The following NR6A1 variants were observed in gnomAD, a reference collection of about 807,000 sequenced individuals.
NR6A1 encodes the protein retinoic acid receptor-related testis-associated receptor.
A neutral mutation model predicts 59.1 loss-of-function variants in NR6A1; 7 were observed. That is an observed-to-expected ratio of 0.12 (90% CI 0.07 to 0.22). NR6A1 has a LOEUF of 0.22. NR6A1 is among the 10% of genes least tolerant of loss of function. The pLI, the probability that NR6A1 is intolerant of heterozygous loss-of-function variation, is 1.00. For synonymous variants in NR6A1, 243 were observed against 236.1 expected, an observed-to-expected ratio of 1.03 and a Z score of -0.27; for missense variants, 468 against 611.6, an observed-to-expected ratio of 0.77 and a Z score of 2.48.
At chr9:124,603,987 C>G (rs1835513485) in intron 2 of NR6A1, among the ~76,000 whole-genome samples, 1 of 152,204 alleles carries the variant, frequency 6.6e-6, no homozygotes, top group Admixed American at 6.5e-5. Context: ...TCCCTTTCCA[C>G]TCTACTAAAA....
chr9:124,699,280 A>G (rs763478775), intron 2 of NR6A1, among the ~76,000 whole-genome samples: 2 of 152,212 alleles, frequency 1.3e-5, no homozygotes, highest in Non-Finnish European at 2.9e-5. Flanking sequence ...AACCAGCAGT[A>G]TATGTGTGCA....
intron 8 of NR6A1, among the ~76,000 whole-genome samples, chr9:124,525,724 C>T (rs1214724600): frequency 6.6e-6 from 1 of 151,872 alleles, no homozygotes; most frequent in East Asian, 1.9e-4. Flanking sequence ...CACACACACA[C>T]CTTTTTTATA....
intron 2 of NR6A1, among the ~76,000 whole-genome samples, chr9:124,618,869 C>T (rs1037375593): frequency 3.3e-5 from 5 of 152,148 alleles, no homozygotes; most frequent in Non-Finnish European, 5.9e-5. Context: ...CTCTCTTACA[C>T]CCTGATTGCA....
Position 124,526,718 on chromosome 9 carries a change from CA to C in NR6A1, c.1201+60del, listed in dbSNP as rs1832948042. The C allele has an allele frequency of 2.3e-5, 36 of 1,599,514 alleles. No individual in the cohort carries two copies. The South Asian group carries it at 3.9e-4, about 17-fold the overall frequency. On this transcript the variant is annotated intron_variant, in intron 8 of 9. Transcript: ENST00000487099. The stretch of plus-strand genomic sequence containing the variant: ...GGTAAGGAGGGGTGAAACAGGAGGG[CA>C]AATGCTCACTGCCTGCCTCCCGCAC...
At chr9:124,544,142 T>C (rs1226700874) in intron 3 of NR6A1, among the ~76,000 whole-genome samples, 1 of 152,252 alleles carries the variant, frequency 6.6e-6, no homozygotes, top group African/African-American at 2.4e-5. Context: ...AGTCCTTCAG[T>C]TACAAACATC....
Position 124,771,211 on chromosome 9 carries a change from T to C in NR6A1, c.-92A>G, listed in dbSNP as rs2131223696. On this transcript the variant is annotated 5_prime_UTR_variant, in exon 1 of 10. Transcript: ENST00000487099. ...TCGTCGTCCGCCGAGGGGAGGAGGT[T>C]GTCAGGAGCCCGCGAGCTCCCGGCC... The C allele has an allele frequency of 2.9e-6, 2 of 693,630 alleles. No homozygotes were observed. The highest frequency in any genetic ancestry group is 7.2e-5 in the South Asian group (1 of 13,856). 43.0% of individuals were successfully genotyped at this position (693,630 alleles called of 1,614,324 possible). A position where few individuals can be genotyped will look rare whatever the true frequency, so the allele number is the denominator to read the frequency against.
In NR6A1 at chr9:124,554,569, A is replaced by C. The variant is rs1324697923; in HGVS notation, c.144T>G (p.Ile48Met). The stretch of plus-strand genomic sequence containing the variant: ...GTTCAGCCCGATCATCTGAAACAGA[A>C]ACTGATCATGTTCAAGTTAGAACAC... ...DELAELDPGTISVSDDRAEQR... is the reference protein window; with the variant it reads ...DELAELDPGTMSVSDDRAEQR... Residue 48 changes from isoleucine to methionine, a missense_variant and splice_region_variant, in exon 3 of 10, where the codon ATT becomes ATG. Transcript: ENST00000487099. 5.6e-6 allele frequency: 9 copies of C among 1,614,052 alleles called. No individual in the cohort carries two copies. In the South Asian group the frequency reaches 9.9e-5, roughly 18 times the overall value.
At chr9:124,736,835 C>A (rs1462903611) in intron 1 of NR6A1, among the ~76,000 whole-genome samples, 2 of 152,018 alleles carry the variant, frequency 1.3e-5, no homozygotes, top group Admixed American at 6.6e-5. Context: ...CAGAGTGAGA[C>A]CAGGTCTCAA....
intron 1 of NR6A1, among the ~76,000 whole-genome samples, chr9:124,743,624 T>A (rs1256578705): frequency 6.6e-6 from 1 of 152,210 alleles, no homozygotes; most frequent in African/African-American, 2.4e-5. Flanking sequence ...AATTACAGCC[T>A]TGAAACCAGA....
intron 2 of NR6A1, among the ~76,000 whole-genome samples, chr9:124,631,870 CGTGT>C (rs1564209598): frequency 6.6e-6 from 1 of 152,128 alleles, no homozygotes; most frequent in Non-Finnish European, 1.5e-5. Flanking sequence ...TCTATGTGGC[CGTGT>C]GTTCTCATCA....
At chr9:124,545,401 T>A (rs1487805189) in intron 3 of NR6A1, among the ~76,000 whole-genome samples, 5 of 152,226 alleles carry the variant, frequency 3.3e-5, no homozygotes, top group African/African-American at 1.2e-4. Context: ...AATATTTTCA[T>A]CTGCTAAATG....
chr9:124,540,963 G>A (rs1027091474), intron 4 of NR6A1, among the ~76,000 whole-genome samples: 19 of 151,502 alleles, frequency 1.3e-4, no homozygotes, highest in African/African-American at 4.1e-4. Flanking sequence ...CCCTTATACC[G>A]TTCACAGAAG....
chr9:124,600,335 A>G (rs1835410608), intron 2 of NR6A1, among the ~76,000 whole-genome samples: 1 of 152,250 alleles, frequency 6.6e-6, no homozygotes, highest in South Asian at 2.1e-4. Flanking sequence ...ATTATCTGGG[A>G]CTAAGAAGCA....
chr9:124,674,897 T>C (rs1200062527), intron 2 of NR6A1, among the ~76,000 whole-genome samples: 1 of 152,216 alleles, frequency 6.6e-6, no homozygotes, highest in Non-Finnish European at 1.5e-5. Context: ...GAGTCCTACA[T>C]TCCAGAGAGA....
chr9:124,649,267 C>T (rs534511153), intron 2 of NR6A1, among the ~76,000 whole-genome samples: 3 of 145,842 alleles, frequency 2.1e-5, no homozygotes, highest in Admixed American at 6.8e-5. Context: ...ACACATAGAC[C>T]GATGGAACAG....
chr9:124,710,235 T>C (rs955810205), intron 2 of NR6A1, among the ~76,000 whole-genome samples: 10 of 152,264 alleles, frequency 6.6e-5, no homozygotes, highest in Middle Eastern at 3.4e-3. Flanking sequence ...CTCGATGACA[T>C]AGAACTTCTC....
intron 2 of NR6A1, among the ~76,000 whole-genome samples, chr9:124,663,675 GA>G (rs1837517649): frequency 6.6e-6 from 1 of 152,120 alleles, no homozygotes; most frequent in Non-Finnish European, 1.5e-5. Flanking sequence ...AATGGAAATA[GA>G]AGGGTTCCAG....
At chr9:124,657,439 A>G (rs1837292616) in intron 2 of NR6A1, among the ~76,000 whole-genome samples, 1 of 152,232 alleles carries the variant, frequency 6.6e-6, no homozygotes, top group African/African-American at 2.4e-5. Context: ...ACGGAAAAAA[A>G]TGATTGGTCC....
At position 124,585,633 on chromosome 9, in the gene NR6A1, A is replaced by G. The variant is rs1415733847; in HGVS notation, c.143-31063T>C. 2.6e-5 allele frequency among the ~76,000 whole-genome samples: 4 copies of G among 151,562 alleles called. No homozygotes were observed. In the South Asian group the frequency reaches 8.4e-4, roughly 32 times the overall value. ...CAAGTTATCCAGAAGATCAACGATG[A>G]AGGTGGCTACACTAAACAACTGATG... On this transcript the variant is annotated intron_variant, in intron 2 of 9. Transcript: ENST00000487099.
Sources: allele counts gnomAD v4.1 joint callset (sites outside exome capture counted in the v4.1 genomes callset), GRCh38; gene constraint gnomAD v4.1.1; transcripts MANE v1.5; gene names NCBI Gene and HGNC (gene_info 2026-07-23, HGNC 2026-07-21).